Variants in NSG2 observed in about 807,000 individuals in gnomAD.
The protein encoded by NSG2 is neuronal vesicle trafficking associated 2, also known as neuronal vesicle trafficking-associated protein 2.
Under a neutral mutation model 16.9 loss-of-function variants are expected in NSG2, and 4 were observed. The observed-to-expected ratio is 0.24, with a 90% CI of 0.12 to 0.54. NSG2 has a LOEUF of 0.54. Among genes scored for constraint, NSG2 ranks in the 20% least tolerant of loss-of-function variants. NSG2 has a pLI of 0.95. For synonymous variants in NSG2, 98 were observed against 88.7 expected (o/e 1.11, Z -0.59); for missense variants, 179 against 221.1 (o/e 0.81, Z 1.21).
intron 3 of NSG2, chr5:174,082,452 C>T (rs1760497469): frequency 6.6e-6 from 1 of 152,238 alleles, no homozygotes. Context: ...TTCAGTAGCT[C>T]AGTCCAGGCT....
intron 3 of NSG2, among the ~76,000 whole-genome samples, chr5:174,097,843 C>CTG (rs111292177): frequency 0.014 from 2,070 of 144,392 alleles, 31 homozygotes; most frequent in African/African-American, 0.039. Context: ...TTGTGTGTGT[C>CTG]TGTGTGTGTG....
chr5:174,100,555 G>A (rs754995595), intron 3 of NSG2, among the ~76,000 whole-genome samples: 10 of 152,166 alleles, frequency 6.6e-5, no homozygotes, highest in Non-Finnish European at 1.3e-4. Context: ...GCATTTCCGA[G>A]CTCCTCAGCT....
chr5:174,092,172 C>T (rs1760731092), intron 3 of NSG2, among the ~76,000 whole-genome samples: 1 of 152,244 alleles, frequency 6.6e-6, no homozygotes, highest in South Asian at 2.1e-4. Context: ...TGCATCTTAC[C>T]ATTCTCTTTA....
At chr5:174,060,643 AC>A (rs11307827) in intron 2 of NSG2, among the ~76,000 whole-genome samples, 44,114 of 152,098 alleles carry the variant, frequency 0.29, 10,040 homozygotes, top group African/African-American at 0.64. Context: ...GGTTCTCTGC[AC>A]CAGGGTCTCA....
At chr5:174,053,381 G>C (rs1022935113) in intron 2 of NSG2, among the ~76,000 whole-genome samples, 2 of 152,160 alleles carry the variant, frequency 1.3e-5, no homozygotes, top group Admixed American at 6.5e-5. Context: ...GAGAAGGATG[G>C]GGTTTCACAG....
At position 174,052,655 on chromosome 5, in the gene NSG2, TA is replaced by T. The variant is rs1759909495; in HGVS notation, c.129+5773del. On this transcript the variant is annotated intron_variant, in intron 2 of 4. Coordinates refer to ENST00000303177, the MANE Select transcript of NSG2 (RefSeq NM_015980.5). ...GGTGCTTTGCTGCCTTTGGTTCATCTAAGTAGCCACAATAACCCAGGTGTCC... is the reference window on the plus strand; with the variant it reads ...GGTGCTTTGCTGCCTTTGGTTCATCTAGTAGCCACAATAACCCAGGTGTCC... Among the ~76,000 whole-genome samples the T allele has an allele frequency of 2.0e-5, 3 of 152,350 alleles. No individual in the cohort carries two copies. The South Asian group carries it at 6.2e-4, about 32-fold the overall frequency.
chr5:174,096,461 C>A (rs137987933), intron 3 of NSG2, among the ~76,000 whole-genome samples: 1 of 151,994 alleles, frequency 6.6e-6, no homozygotes, highest in African/African-American at 2.4e-5. Context: ...GTACCTGGAG[C>A]TTGGAGGGCC....
intron 2 of NSG2, among the ~76,000 whole-genome samples, chr5:174,058,903 T>G (rs1760006197): frequency 6.6e-6 from 1 of 152,186 alleles, no homozygotes; most frequent in Admixed American, 6.5e-5. Flanking sequence ...AGGACCCACA[T>G]GGTATCAGGC....
intron 2 of NSG2, among the ~76,000 whole-genome samples, chr5:174,057,135 C>T (rs1344605346): frequency 6.6e-6 from 1 of 152,114 alleles, no homozygotes; most frequent in Non-Finnish European, 1.5e-5. Flanking sequence ...TCCAAATATC[C>T]ATAAAACCCC....
At chr5:174,053,222 A>G (rs933608415) in intron 2 of NSG2, among the ~76,000 whole-genome samples, 28 of 152,334 alleles carry the variant, frequency 1.8e-4, no homozygotes, top group Non-Finnish European at 3.7e-4. Flanking sequence ...GATGAGGGAA[A>G]CAGTGTGACA....
chr5:174,075,798 T>C (rs984935559), intron 3 of NSG2, among the ~76,000 whole-genome samples: 3 of 152,364 alleles, frequency 2.0e-5, no homozygotes, highest in Middle Eastern at 3.4e-3. Flanking sequence ...AAGAAGGCCC[T>C]AATAAGATGA....
chr5:174,097,429 CGTCT>C (rs1451191003), intron 3 of NSG2, among the ~76,000 whole-genome samples: 1 of 150,522 alleles, frequency 6.6e-6, no homozygotes, highest in Non-Finnish European at 1.5e-5. Context: ...GCCAGGTTGC[CGTCT>C]GTCTGCTTGT....
At chr5:174,063,936 T>A (rs962208861) in intron 2 of NSG2, among the ~76,000 whole-genome samples, 6 of 152,204 alleles carry the variant, frequency 3.9e-5, no homozygotes, top group African/African-American at 1.4e-4. Flanking sequence ...CTATAAAGTA[T>A]GAATTCATCT....
chr5:174,048,653 C>G (rs1759837910), intron 2 of NSG2, among the ~76,000 whole-genome samples: 1 of 152,114 alleles, frequency 6.6e-6, no homozygotes, highest in South Asian at 2.1e-4. Flanking sequence ...TCATCTCTCC[C>G]CTAGCCTTCT....
At chr5:174,071,547 T>G (rs1581225343) in intron 3 of NSG2, among the ~76,000 whole-genome samples, 1 of 152,124 alleles carries the variant, frequency 6.6e-6, no homozygotes, top group East Asian at 1.9e-4. Context: ...CAGCAACAAG[T>G]AAAACAAAAA....
chr5:174,095,016 G>T (rs1760773981), intron 3 of NSG2, among the ~76,000 whole-genome samples: 1 of 152,206 alleles, frequency 6.6e-6, no homozygotes. Context: ...TGTAATGAGA[G>T]CAAAACTAGG....
At position 174,072,447 on chromosome 5, in the gene NSG2, C is replaced by T. The variant is rs895200655; in HGVS notation, c.213+8132C>T. Among the ~76,000 whole-genome samples, 9 of 152,230 alleles carry T rather than the reference C, an allele frequency of 5.9e-5. No homozygotes were observed. Among genetic ancestry groups the T allele is most frequent in the African/African-American group, 2.2e-4 (9 of 41,462 alleles). ...CATCTCCCTATTCATCCCTCAACACCAAATGCACATGGCCTGGGCCTGTGC... is the reference window on the plus strand; with the variant it reads ...CATCTCCCTATTCATCCCTCAACACTAAATGCACATGGCCTGGGCCTGTGC... On this transcript the variant is annotated intron_variant, in intron 3 of 4. Transcript: ENST00000303177. The surrounding 1 kb of genome is among the most constrained non-coding windows in gnomAD (Gnocchi z 4.0).
At chr5:174,078,647 T>C (rs1760389001) in intron 3 of NSG2, among the ~76,000 whole-genome samples, 1 of 152,128 alleles carries the variant, frequency 6.6e-6, no homozygotes. Context: ...TATTAGTTAT[T>C]AGGAGGTGGG....
intron 2 of NSG2, among the ~76,000 whole-genome samples, chr5:174,056,847 G>A (rs773549217): frequency 1.1e-4 from 17 of 152,308 alleles, no homozygotes; most frequent in Middle Eastern, 3.4e-3. Context: ...ATAATCCTGG[G>A]AAGTAGTATT....
Sources: allele counts gnomAD v4.1 joint callset (sites outside exome capture counted in the v4.1 genomes callset), GRCh38; gene constraint gnomAD v4.1.1; non-coding constraint Gnocchi (gnomAD v3.1); transcripts MANE v1.5; gene names NCBI Gene and HGNC (gene_info 2026-07-23, HGNC 2026-07-21).